GALNT14: variants seen among roughly 807,000 people sequenced by gnomAD.
GALNT14 encodes the protein polypeptide N-acetylgalactosaminyltransferase 14.
In GALNT14, 60 loss-of-function variants were observed where a neutral mutation model predicts 77.5. That is an observed-to-expected ratio of 0.77 (90% CI 0.63 to 0.96). GALNT14 has a LOEUF of 0.96. GALNT14 is among the 40% of genes least tolerant of loss of function. The pLI is 0.00. For missense variants in GALNT14, 710 were observed against 731.0 expected, an observed-to-expected ratio of 0.97 and a Z score of 0.33; for synonymous variants, 280 against 281.7, an observed-to-expected ratio of 0.99 and a Z score of 0.06.
intron 1 of GALNT14, among the ~76,000 whole-genome samples, chr2:31,010,429 C>T (rs1345515913): frequency 1.3e-5 from 2 of 152,202 alleles, no homozygotes; most frequent in African/African-American, 2.4e-5. Context: ...AAAACCCCAT[C>T]TCTACTAAAA....
chr2:30,954,241 G>C (rs1490034176), intron 6 of GALNT14, among the ~76,000 whole-genome samples: 1 of 152,196 alleles, frequency 6.6e-6, no homozygotes, highest in African/African-American at 2.4e-5. Context: ...AAGAGAGCAT[G>C]GAGGGAGGCG....
chr2:30,972,732 C>A (rs939403086), intron 2 of GALNT14, among the ~76,000 whole-genome samples: 2 of 152,220 alleles, frequency 1.3e-5, no homozygotes, highest in African/African-American at 4.8e-5. Context: ...CACATGCCCA[C>A]TCTTGAATGA....
intron 1 of GALNT14, among the ~76,000 whole-genome samples, chr2:31,000,786 GAAT>G (rs1444249895): frequency 1.3e-5 from 2 of 152,122 alleles, no homozygotes; most frequent in Non-Finnish European, 2.9e-5. Flanking sequence ...AGAAACAGCA[GAAT>G]AATATTTGAC....
the GALNT14 span, among the ~76,000 whole-genome samples, chr2:30,900,286 C>T: frequency 6.6e-6 from 1 of 152,166 alleles, no homozygotes; most frequent in Non-Finnish European, 1.5e-5. Context: ...TAAAGACTTC[C>T]ATTACTGATA....
At chr2:30,905,047 A>G in the GALNT14 span, among the ~76,000 whole-genome samples, 2 of 152,188 alleles carry the variant, frequency 1.3e-5, no homozygotes, top group Non-Finnish European at 2.9e-5. Context: ...CATCCACACC[A>G]AAAACCCATC....
intron 1 of GALNT14, among the ~76,000 whole-genome samples, chr2:30,995,130 T>TTGTGTGTGTGTGTGTGTG (rs3058232): frequency 6.9e-6 from 1 of 144,040 alleles, no homozygotes; most frequent in Admixed American, 6.9e-5. Flanking sequence ...AGAACCAATG[T>TTGTGTGTGTGTGTGTGTG]TGTGTGTGTG....
intron 1 of GALNT14, among the ~76,000 whole-genome samples, chr2:31,019,112 C>T (rs1390180618): frequency 6.6e-6 from 1 of 152,146 alleles, no homozygotes; most frequent in Non-Finnish European, 1.5e-5. Flanking sequence ...CACAGCCTGG[C>T]ATAAGGCAGC....
chr2:30,956,924 C>G (rs1200318148), intron 4 of GALNT14, among the ~76,000 whole-genome samples: 1 of 152,210 alleles, frequency 6.6e-6, no homozygotes, highest in Non-Finnish European at 1.5e-5. Flanking sequence ...GCTCACAGAC[C>G]TGCTTTTGGA....
At chr2:30,995,689 G>A (rs879844137) in intron 1 of GALNT14, among the ~76,000 whole-genome samples, 7 of 151,976 alleles carry the variant, frequency 4.6e-5, no homozygotes, top group Non-Finnish European at 8.8e-5. Context: ...TTGTGGAGAC[G>A]GGATCTCACT....
intron 1 of GALNT14, among the ~76,000 whole-genome samples, chr2:31,056,394 A>G (rs559233661): frequency 6.6e-6 from 1 of 152,334 alleles, no homozygotes; most frequent in South Asian, 2.1e-4. Context: ...GTAAATCCAG[A>G]TGCAGAAAGA....
chr2:30,962,837 AGACCTCTGAGACAG>A, intron 3 of GALNT14, among the ~76,000 whole-genome samples: 1 of 152,344 alleles, frequency 6.6e-6, no homozygotes, highest in South Asian at 2.1e-4. Context: ...CCTTTATTGA[AGACCTCTGAGACAG>A]GACATGTCCT....
intron 6 of GALNT14, among the ~76,000 whole-genome samples, chr2:30,950,647 A>T (rs1666973718): frequency 6.6e-6 from 1 of 152,230 alleles, no homozygotes; most frequent in Non-Finnish European, 1.5e-5. Flanking sequence ...GCAGCCCTCA[A>T]GGCCACTGCA....
At chr2:31,131,679 G>A (rs1362543744) in intron 1 of GALNT14, among the ~76,000 whole-genome samples, 1 of 152,166 alleles carries the variant, frequency 6.6e-6, no homozygotes, top group Non-Finnish European at 1.5e-5. Context: ...GTAGGATGTA[G>A]GCACAGGAGG....
chr2:31,103,119 T>C (rs1417397300), intron 1 of GALNT14, among the ~76,000 whole-genome samples: 1 of 152,122 alleles, frequency 6.6e-6, no homozygotes, highest in South Asian at 2.1e-4. Flanking sequence ...TATATTTAGA[T>C]ATGACAAATA....
chr2:31,057,374 GTATATATA>G (rs201931090), intron 1 of GALNT14, among the ~76,000 whole-genome samples: 144 of 25,526 alleles, frequency 5.6e-3, no homozygotes, highest in African/African-American at 0.016. Flanking sequence ...GTGTGTGTGT[GTATATATA>G]TATATATATA....
At position 30,920,644 on chromosome 2, in the gene GALNT14, C is replaced by G. The variant is rs573505793; in HGVS notation, c.1380+3475G>C. ...AGAGTGTATGCTACACACACACACA[C>G]ACACACACACACACACACATAGGCA... On this transcript the variant is annotated intron_variant, in intron 13 of 14. Transcript: ENST00000349752. Among the ~76,000 whole-genome samples the G allele has an allele frequency of 1.7e-4, 26 of 152,038 alleles. No homozygotes were observed. The South Asian group carries it at 5.4e-3, about 32-fold the overall frequency.
chr2:31,044,657 C>A (rs971270128), intron 1 of GALNT14, among the ~76,000 whole-genome samples: 2 of 123,516 alleles, frequency 1.6e-5, no homozygotes, highest in Non-Finnish European at 3.6e-5. Flanking sequence ...GTGACTCATG[C>A]CTATAATCCC....
the GALNT14 span, among the ~76,000 whole-genome samples, chr2:30,898,465 T>G: frequency 6.6e-6 from 1 of 152,196 alleles, no homozygotes; most frequent in Non-Finnish European, 1.5e-5. Context: ...GAGAACCTCA[T>G]GAATCATTTC....
intron 2 of GALNT14, among the ~76,000 whole-genome samples, chr2:30,971,760 C>T (rs775928311): frequency 2.6e-5 from 4 of 152,118 alleles, no homozygotes; most frequent in Non-Finnish European, 4.4e-5. Flanking sequence ...CAACACCCCC[C>T]ACCCTGCACC....
Sources: allele counts gnomAD v4.1 joint callset (sites outside exome capture counted in the v4.1 genomes callset), GRCh38; gene constraint gnomAD v4.1.1; transcripts MANE v1.5; gene names NCBI Gene and HGNC (gene_info 2026-07-23, HGNC 2026-07-21).